The following DPYD variants were observed in gnomAD, a reference collection of about 807,000 sequenced individuals.
DPYD encodes the protein dihydropyrimidine dehydrogenase [NADP(+)].
DPYD carries 109 observed loss-of-function variants against 116.2 expected under a neutral mutation model. The observed-to-expected ratio is 0.94, with a 90% CI of 0.80 to 1.10. DPYD has a LOEUF of 1.10. DPYD is among the 50% of genes least tolerant of loss of function. The pLI, the probability that DPYD is intolerant of heterozygous loss-of-function variation, is 0.00. For synonymous variants in DPYD, 440 were observed against 432.0 expected, an observed-to-expected ratio of 1.02 and a Z score of -0.23; for missense variants, 1,302 against 1,254.5, an observed-to-expected ratio of 1.04 and a Z score of -0.57.
intron 2 of DPYD, among the ~76,000 whole-genome samples, chr1:97,829,750 T>TA (rs752022705): frequency 6.6e-6 from 1 of 152,136 alleles, no homozygotes; most frequent in Non-Finnish European, 1.5e-5. Flanking sequence ...ATCTTTTTTT[T>TA]ATTTCTTTTT....
At chr1:97,348,067 G>A (rs1250798599) in intron 16 of DPYD, among the ~76,000 whole-genome samples, 1 of 152,030 alleles carries the variant, frequency 6.6e-6, no homozygotes, top group Non-Finnish European at 1.5e-5. Flanking sequence ...GTATATTCAT[G>A]GATGTTAAGA....
chr1:97,280,474 G>T (rs995100420), intron 18 of DPYD, among the ~76,000 whole-genome samples: 50 of 152,218 alleles, frequency 3.3e-4, no homozygotes, highest in African/African-American at 9.9e-4. Context: ...ATTCACAACA[G>T]CCAAGATATG....
Position 97,630,174 on chromosome 1 carries a change from CA to C in DPYD, c.851-35009del, listed in dbSNP as rs527260731. ...TACGGATAAAGCCACTATATACAGT[CA>C]AAAAAAAAAGAAATATAAAGCACTA... On this transcript the variant is annotated intron_variant, in intron 8 of 22. Transcript: ENST00000370192. 4.5e-3 allele frequency among the ~76,000 whole-genome samples: 637 copies of C among 143,088 alleles called. 2 individuals carry two copies. Among genetic ancestry groups the C allele is most frequent in the Non-Finnish European group, 5.9e-3 (387 of 65,170 alleles). 93.9% of individuals were successfully genotyped at this position (143,088 alleles called of 152,430 possible).
chr1:97,771,436 G>A (rs1328585399), intron 3 of DPYD, among the ~76,000 whole-genome samples: 1 of 152,040 alleles, frequency 6.6e-6, no homozygotes, highest in African/African-American at 2.4e-5. Context: ...ATAGAGACAT[G>A]CATATATGTG....
At chr1:97,286,541 T>A (rs1241677733) in intron 18 of DPYD, among the ~76,000 whole-genome samples, 5 of 152,180 alleles carry the variant, frequency 3.3e-5, no homozygotes, top group African/African-American at 9.7e-5. Context: ...ATTCTCCCCG[T>A]CACTTTCAGG....
chr1:97,563,563 C>T (rs1035345906), intron 11 of DPYD, among the ~76,000 whole-genome samples: 3 of 152,116 alleles, frequency 2.0e-5, no homozygotes, highest in African/African-American at 7.2e-5. Context: ...CTGATTTATC[C>T]ACTGTCTCCC....
chr1:97,906,074 C>T (rs1427906307), intron 1 of DPYD, among the ~76,000 whole-genome samples: 2 of 151,930 alleles, frequency 1.3e-5, no homozygotes, highest in African/African-American at 4.8e-5. Context: ...TTAATTCTAA[C>T]TCTGCCAGCT....
At chr1:97,906,603 C>T in intron 1 of DPYD, among the ~76,000 whole-genome samples, 1 of 152,014 alleles carries the variant, frequency 6.6e-6, no homozygotes, top group South Asian at 2.1e-4. Flanking sequence ...CAGGAGTCCA[C>T]CCTAATCCAC....
chr1:97,753,156 G>C (rs1435212612), intron 3 of DPYD, among the ~76,000 whole-genome samples: 2 of 152,052 alleles, frequency 1.3e-5, no homozygotes, highest in Non-Finnish European at 2.9e-5. Flanking sequence ...CAATGAGGTA[G>C]ATATAAATAT....
chr1:97,374,727 A>AG (rs1429397308), intron 15 of DPYD, among the ~76,000 whole-genome samples: 36 of 103,268 alleles, frequency 3.5e-4, no homozygotes, highest in African/African-American at 9.7e-4. Flanking sequence ...AGAAAAAAAA[A>AG]AAAAAAAAAA....
intron 18 of DPYD, among the ~76,000 whole-genome samples, chr1:97,255,143 AT>A (rs1663363334): frequency 6.6e-6 from 1 of 152,124 alleles, no homozygotes; most frequent in African/African-American, 2.4e-5. Context: ...TATATGTTTT[AT>A]TTTATGTCCC....
intron 2 of DPYD, among the ~76,000 whole-genome samples, chr1:97,841,032 T>C (rs759889529): frequency 1.3e-5 from 2 of 152,076 alleles, no homozygotes; most frequent in African/African-American, 4.8e-5. Flanking sequence ...CTTAAGTTAA[T>C]TGTTCACCCT....
At chr1:97,592,168 A>G (rs930918620) in intron 10 of DPYD, among the ~76,000 whole-genome samples, 2 of 152,206 alleles carry the variant, frequency 1.3e-5, no homozygotes, top group Admixed American at 1.3e-4. Flanking sequence ...AGTTCATAAT[A>G]CTGATTTGAT....
chr1:97,292,722 G>GCGCACA lies in DPYD; in HGVS notation c.2299+12536_2299+12537insTGTGCG, dbSNP rs374911665. On this transcript the variant is annotated intron_variant, in intron 18 of 22. Coordinates refer to ENST00000370192, the MANE Select transcript of DPYD (RefSeq NM_000110.4). ...CGTGCACGCGCGCGCACACGCGCGA[G>GCGCACA]CACACACACACACACACACACACAC... Among the ~76,000 whole-genome samples the GCGCACA allele has an allele frequency of 6.0e-5, 9 of 149,936 alleles. No individual in the cohort carries two copies. In the South Asian group the frequency reaches 6.4e-4, roughly 11 times the overall value.
chr1:97,818,863 CAT>C (rs1668773280), intron 3 of DPYD, among the ~76,000 whole-genome samples: 1 of 151,720 alleles, frequency 6.6e-6, no homozygotes, highest in African/African-American at 2.4e-5. Flanking sequence ...TGTGTGTATC[CAT>C]GTGTGTGCCT....
chr1:97,394,793 G>A (rs1477764424), intron 14 of DPYD, among the ~76,000 whole-genome samples: 11 of 152,000 alleles, frequency 7.2e-5, no homozygotes, highest in Non-Finnish European at 1.5e-4. Flanking sequence ...AGTACTCCAG[G>A]TAGAGTGAGC....
Position 97,174,498 on chromosome 1 carries a change from G to C in DPYD, c.2622+18571C>G, listed in dbSNP as rs577992410. On this transcript the variant is annotated intron_variant, in intron 20 of 22. Coordinates refer to ENST00000370192, the MANE Select transcript of DPYD (RefSeq NM_000110.4). The stretch of plus-strand genomic sequence containing the variant: ...ACCCAGCTGCTGGCAAGTTGGCAGA[G>C]TGAAATGCATTTGTTTATGCCCCTA... Among the ~76,000 whole-genome samples, 48 of 152,310 alleles carry C rather than the reference G, an allele frequency of 3.2e-4. 1 individual carries two copies. In the South Asian group the frequency reaches 8.5e-3, roughly 27 times the overall value.
chr1:97,081,558 C>G (rs551270771), intron 22 of DPYD, among the ~76,000 whole-genome samples: 1 of 151,972 alleles, frequency 6.6e-6, no homozygotes, highest in African/African-American at 2.4e-5. Context: ...GTGCCAAACT[C>G]TTTAAAAAAT....
intron 10 of DPYD, among the ~76,000 whole-genome samples, chr1:97,583,176 A>G (rs1423935908): frequency 2.6e-5 from 4 of 152,034 alleles, no homozygotes; most frequent in Admixed American, 2.0e-4. Context: ...TCACTGTGTT[A>G]GCCAGGATGG....
Sources: allele counts gnomAD v4.1 joint callset (sites outside exome capture counted in the v4.1 genomes callset), GRCh38; gene constraint gnomAD v4.1.1; transcripts MANE v1.5; gene names NCBI Gene and HGNC (gene_info 2026-07-23, HGNC 2026-07-21).